The following GPC5 variants were observed in gnomAD, a reference collection of about 807,000 sequenced individuals.
The protein encoded by GPC5 is glypican 5.
A neutral mutation model predicts 53.9 loss-of-function variants in GPC5; 47 were observed. That is an observed-to-expected ratio of 0.87 (90% CI 0.69 to 1.11). The LOEUF is 1.11. GPC5 is among the 50% of genes most tolerant of loss of function. The probability of loss-of-function intolerance (pLI) is 0.00; values close to 1 mark genes in which losing one functional copy is unlikely to be tolerated. For synonymous variants in GPC5, 286 were observed against 263.3 expected (o/e 1.09, Z -0.84); for missense variants, 748 against 713.1 (o/e 1.05, Z -0.56).
chr13:92,430,729 T>C (rs1877047387), intron 7 of GPC5, among the ~76,000 whole-genome samples: 3 of 152,178 alleles, frequency 2.0e-5, no homozygotes, highest in South Asian at 2.1e-4. Context: ...GGCTAGTAAA[T>C]TGGTGTAGCA....
intron 6 of GPC5, among the ~76,000 whole-genome samples, chr13:92,114,540 C>T (rs912593829): frequency 4.6e-5 from 7 of 152,132 alleles, no homozygotes; most frequent in Non-Finnish European, 8.8e-5. Context: ...CTAGAGTAAT[C>T]AGAAGATTAA....
intron 7 of GPC5, among the ~76,000 whole-genome samples, chr13:92,158,698 T>C (rs753426321): frequency 6.5e-5 from 9 of 138,034 alleles, no homozygotes; most frequent in Admixed American, 2.3e-4. Context: ...TCTTGCCCAA[T>C]TGGTCACATT....
At chr13:92,158,136 G>A (rs1484653628) in intron 7 of GPC5, among the ~76,000 whole-genome samples, 1 of 152,124 alleles carries the variant, frequency 6.6e-6, no homozygotes, top group East Asian at 1.9e-4. Context: ...ATTCATGACA[G>A]ACAAAGCATT....
At chr13:91,656,464 C>T (rs2034847846) in intron 2 of GPC5, among the ~76,000 whole-genome samples, 1 of 152,168 alleles carries the variant, frequency 6.6e-6, no homozygotes, top group African/African-American at 2.4e-5. Flanking sequence ...CTAATTGTTA[C>T]ACAGCGTACT....
chr13:92,707,017 A>G (rs866610733), intron 7 of GPC5, among the ~76,000 whole-genome samples: 2 of 152,266 alleles, frequency 1.3e-5, no homozygotes, highest in South Asian at 4.1e-4. Flanking sequence ...AAAGGCCATG[A>G]GAAGGACACG....
At chr13:92,798,120 G>T (rs970380764) in intron 7 of GPC5, among the ~76,000 whole-genome samples, 7 of 151,872 alleles carry the variant, frequency 4.6e-5, no homozygotes, top group Non-Finnish European at 1.0e-4. Flanking sequence ...TGCTGAAAAT[G>T]ACGAGACACA....
intron 7 of GPC5, among the ~76,000 whole-genome samples, chr13:92,264,214 G>A (rs1181241502): frequency 1.3e-5 from 2 of 151,996 alleles, no homozygotes; most frequent in African/African-American, 4.8e-5. Context: ...TCAGTAGAGA[G>A]TAAATATACT....
intron 7 of GPC5, among the ~76,000 whole-genome samples, chr13:92,589,271 T>C (rs1322503748): frequency 2.0e-5 from 3 of 152,216 alleles, no homozygotes; most frequent in Non-Finnish European, 4.4e-5. Context: ...CCTTTTCTCC[T>C]GTTCTTTCAA....
chr13:92,301,671 A>G (rs556661336), intron 7 of GPC5, among the ~76,000 whole-genome samples: 1 of 152,244 alleles, frequency 6.6e-6, no homozygotes, highest in South Asian at 2.1e-4. Context: ...TGGATCACAT[A>G]AGGCCAGTTG....
At chr13:91,573,625 TG>T (rs2032024680) in intron 2 of GPC5, among the ~76,000 whole-genome samples, 1 of 152,164 alleles carries the variant, frequency 6.6e-6, no homozygotes, top group Admixed American at 6.6e-5. Context: ...CCTATAAAAT[TG>T]TTTTAAACCT....
Position 91,448,794 on chromosome 13 carries a change from C to G in GPC5, c.197C>G (p.Pro66Arg). 1 of 1,613,614 alleles carries G rather than the reference C, an allele frequency of 6.2e-7. No individual in the cohort carries two copies. The highest frequency in any genetic ancestry group is 8.5e-7 in the Non-Finnish European group (1 of 1,179,734). The change falls in exon 2 of 8, where the codon CCT (proline) becomes CGT (arginine). Residue 66 changes from proline (P) to arginine (R), a missense_variant. Physicochemically the swap from Pro to Arg is moderately radical, Grantham distance 103. Transcript: ENST00000377067. ...PDLQVCISKKPTCCTRKMEER... is the reference protein window; with the variant it reads ...PDLQVCISKKRTCCTRKMEER... ...CTTCAGGTTTGCATATCCAAAAAGCCTACATGTTGCACCAGGAAGATGGAG... is the reference window on the plus strand; with the variant it reads ...CTTCAGGTTTGCATATCCAAAAAGCGTACATGTTGCACCAGGAAGATGGAG...
chr13:91,698,564 A>G (rs984549938), intron 3 of GPC5, among the ~76,000 whole-genome samples: 3 of 152,200 alleles, frequency 2.0e-5, no homozygotes, highest in African/African-American at 7.2e-5. Flanking sequence ...GATGTGATAT[A>G]TATTTTCCTA....
intron 5 of GPC5, among the ~76,000 whole-genome samples, chr13:91,899,611 A>G (rs1300896955): frequency 3.9e-5 from 6 of 152,154 alleles, no homozygotes; most frequent in Non-Finnish European, 2.9e-5. Flanking sequence ...ATTTGGAAGT[A>G]GGGTCTTTGC....
At chr13:91,629,481 A>G (rs1371092736) in intron 2 of GPC5, among the ~76,000 whole-genome samples, 1 of 152,052 alleles carries the variant, frequency 6.6e-6, no homozygotes, top group African/African-American at 2.4e-5. Flanking sequence ...CGCCTCTACT[A>G]AGAGTACAAA....
At chr13:91,437,246 A>G (rs1880052318) in intron 1 of GPC5, among the ~76,000 whole-genome samples, 2 of 152,048 alleles carry the variant, frequency 1.3e-5, no homozygotes, top group South Asian at 2.1e-4. Context: ...TTAGCTGGTT[A>G]TTTTGCTTGT....
chr13:91,480,957 G>T (rs201718246), intron 2 of GPC5, among the ~76,000 whole-genome samples: 1 of 148,202 alleles, frequency 6.7e-6, no homozygotes, highest in Non-Finnish European at 1.5e-5. Flanking sequence ...TATCTTGGAG[G>T]TTTTTTTTTT....
chr13:92,237,037 A>G (rs2042575692), intron 7 of GPC5, among the ~76,000 whole-genome samples: 1 of 152,094 alleles, frequency 6.6e-6, no homozygotes, highest in Admixed American at 6.5e-5. Context: ...TCACAATATT[A>G]ATGAAAACAC....
In GPC5 at chr13:92,827,518, C is replaced by T. The variant is rs554883925; in HGVS notation, c.1562-38764C>T. Reference sequence around the variant, plus strand: ...AGGTAGGTCAGGCATGTCTTCTTCACGTTTTCCAGTTCTGAGCTAACTGAG... The same window carrying T: ...AGGTAGGTCAGGCATGTCTTCTTCATGTTTTCCAGTTCTGAGCTAACTGAG... On this transcript the variant is annotated intron_variant, in intron 7 of 7. Transcript: ENST00000377067. 3.6e-4 allele frequency among the ~76,000 whole-genome samples: 55 copies of T among 152,190 alleles called. 2 individuals are homozygous for T. Among genetic ancestry groups the T allele is most frequent in the East Asian group, 3.1e-3 (16 of 5,160 alleles).
rs1262987221 is a variant in GPC5, at chr13:91,681,124, G to C, written c.326-12063G>C. Among the ~76,000 whole-genome samples, 3 of 152,132 alleles carry C rather than the reference G, an allele frequency of 2.0e-5. No individual in the cohort carries two copies. In the East Asian group the frequency reaches 5.8e-4, roughly 29 times the overall value. On this transcript the variant is annotated intron_variant, in intron 2 of 7. Coordinates refer to ENST00000377067, the MANE Select transcript of GPC5 (RefSeq NM_004466.6). ...AAAGCGTTCCGAGACCGAAAACTTT[G>C]ATGATTACTGAGCTACATATGTAAA...
Sources: gnomAD v4.1 joint callset for allele counts (sites outside exome capture counted in the v4.1 genomes callset) on GRCh38, gnomAD v4.1.1 for gene constraint, MANE v1.5 for transcripts, NCBI Gene and HGNC (gene_info 2026-07-23, HGNC 2026-07-21) for gene names.